PACC1: variants seen among roughly 807,000 people sequenced by gnomAD.
PACC1 encodes proton activated chloride channel 1, also known as proton-activated chloride channel.
In PACC1, 34 loss-of-function variants were observed where a neutral mutation model predicts 39.7. The ratio of observed to expected loss-of-function variants is 0.86; its 90% CI spans 0.65 to 1.14. PACC1 has a LOEUF of 1.14. Among genes scored for constraint, PACC1 ranks in the 50% most tolerant of loss-of-function variants. The probability of loss-of-function intolerance (pLI) is 0.00; values close to 1 mark genes in which losing one functional copy is unlikely to be tolerated. For missense variants in PACC1, 379 were observed against 436.4 expected (o/e 0.87, Z 1.17); for synonymous variants, 127 against 160.6 (o/e 0.79, Z 1.58).
intron 2 of PACC1, among the ~76,000 whole-genome samples, chr1:212,409,954 T>G (rs1662061482): frequency 6.6e-6 from 1 of 152,168 alleles, no homozygotes; most frequent in South Asian, 2.1e-4. Flanking sequence ...GAGCAGCGTG[T>G]ATCCGGGCGG....
At chr1:212,410,150 G>A (rs566440138) in intron 2 of PACC1, 1 of 382,174 alleles carries the variant, frequency 2.6e-6, no homozygotes, top group African/African-American at 2.0e-5. Flanking sequence ...CAGGGAAAGA[G>A]GAACAGAAGA....
At chr1:212,387,985 C>T (rs780076697) in intron 2 of PACC1, among the ~76,000 whole-genome samples, 2 of 147,160 alleles carry the variant, frequency 1.4e-5, no homozygotes, top group South Asian at 2.1e-4. Context: ...ACCCAGGAGG[C>T]GGAGGTTGCA....
At chr1:212,403,885 C>T (rs1329955958) in intron 2 of PACC1, among the ~76,000 whole-genome samples, 2 of 151,836 alleles carry the variant, frequency 1.3e-5, no homozygotes, top group African/African-American at 2.4e-5. Flanking sequence ...AAGCCATTTG[C>T]CTCTCTAGGC....
intron 2 of PACC1, among the ~76,000 whole-genome samples, chr1:212,399,907 C>T (rs1661654951): frequency 6.6e-6 from 1 of 151,822 alleles, no homozygotes; most frequent in Non-Finnish European, 1.5e-5. Context: ...TGCAATGGTG[C>T]AATCTTGGTT....
chr1:212,378,312 A>C (rs927000942), intron 5 of PACC1, among the ~76,000 whole-genome samples: 72 of 152,336 alleles, frequency 4.7e-4, no homozygotes, highest in African/African-American at 1.6e-3. Context: ...TGGGGGTGGG[A>C]TCCCGGGGAA....
chr1:212,385,903 GAC>G (rs1211100743), intron 3 of PACC1, among the ~76,000 whole-genome samples: 1 of 152,170 alleles, frequency 6.6e-6, no homozygotes, highest in Non-Finnish European at 1.5e-5. Flanking sequence ...CACCTCTACT[GAC>G]AGTAGCTGTC....
At chr1:212,405,960 T>C (rs763808302) in intron 2 of PACC1, among the ~76,000 whole-genome samples, 1 of 150,602 alleles carries the variant, frequency 6.6e-6, no homozygotes, top group South Asian at 2.1e-4. Flanking sequence ...TGGGCAACAC[T>C]GCATGACCTT....
At chr1:212,374,089 T>C (rs2102474326) in intron 7 of PACC1, among the ~76,000 whole-genome samples, 1 of 148,886 alleles carries the variant, frequency 6.7e-6, no homozygotes, top group South Asian at 2.1e-4. Context: ...CAAAGAGATA[T>C]CCGCACTCCC....
In PACC1 at chr1:212,410,509, A is replaced by G; in HGVS notation, c.49T>C (p.Leu17=). The G allele has an allele frequency of 6.2e-7, 1 of 1,614,070 alleles. No individual in the cohort carries two copies. The highest frequency in any genetic ancestry group is 8.5e-7 in the Non-Finnish European group (1 of 1,179,982). ...STSYQELSEE[L]VQVVENSELA... ...TCTGAGTTCTCAACCACCTGGACCA[A>G]CTCCTCACTCAGCTAAAGGGAGAAG... The change falls in exon 2 of 8, where the codon TTG becomes CTG. Residue 17 remains leucine (L), a synonymous_variant. Coordinates refer to ENST00000261455, the MANE Select transcript of PACC1 (RefSeq NM_018252.3).
In PACC1 at chr1:212,365,343, G is replaced by T. The variant is rs1196004170; in HGVS notation, c.925C>A (p.Leu309Ile). 3 of 1,612,168 alleles carry T rather than the reference G, an allele frequency of 1.9e-6. No homozygotes were observed. In the East Asian group the frequency reaches 6.7e-5, roughly 36 times the overall value. The stretch of plus-strand genomic sequence containing the variant: ...AATGCCAAGAAGGCGCCACAGAGAA[G>T]AGCAATTGTGTTCCAAGGATTGGCA... ...VTANPWNTIA[L>I]LCGAFLALFK... The change falls in exon 8 of 8, where the codon CTT becomes ATT. Residue 309 changes from leucine (L) to isoleucine (I), a missense_variant. By Grantham distance (5) the Leu-to-Ile change is conservative (BLOSUM62 2). Coordinates refer to ENST00000261455, the MANE Select transcript of PACC1 (RefSeq NM_018252.3).
intron 2 of PACC1, chr1:212,410,204 T>TA (rs1479673754): frequency 5.4e-6 from 3 of 551,970 alleles, no homozygotes; most frequent in Non-Finnish European, 9.8e-6. Context: ...TGACCTGACC[T>TA]CAGGAAGTGG....
Position 212,365,243 on chromosome 1 carries a change from CTTCTT to C in PACC1, c.1020_1024del (p.Arg342SerfsTer15), listed in dbSNP as rs1660190665. 3 of 1,613,796 alleles carry C rather than the reference CTTCTT, an allele frequency of 1.9e-6. No individual in the cohort carries two copies. Among genetic ancestry groups the C allele is most frequent in the African/African-American group, 1.3e-5 (1 of 74,882 alleles). ...GCTTATGTGGCTCGTTGCCTGACCT[CTTCTT>C]TTAAGGTATCTCTTTCTAATTTTGA... On this transcript the variant is annotated frameshift_variant, in exon 8 of 8. Transcript: ENST00000261455. LOFTEE classifies it high-confidence loss of function.
intron 1 of PACC1, among the ~76,000 whole-genome samples, chr1:212,411,763 C>T (rs1558185357): frequency 1.3e-5 from 2 of 152,312 alleles, no homozygotes; most frequent in Admixed American, 1.3e-4. Context: ...ATCTATTCTT[C>T]TATCTCCCTC....
chr1:212,407,328 C>T (rs1255979158), intron 2 of PACC1, among the ~76,000 whole-genome samples: 1 of 152,216 alleles, frequency 6.6e-6, no homozygotes, highest in Non-Finnish European at 1.5e-5. Flanking sequence ...AAGGCAAAGA[C>T]CAAGTTCTCT....
chr1:212,395,994 G>C (rs11119927), intron 2 of PACC1, among the ~76,000 whole-genome samples: 24,683 of 152,220 alleles, frequency 0.16, 2,758 homozygotes, highest in East Asian at 0.38. Flanking sequence ...TGGTGGGACT[G>C]TAAACTAGTT....
At chr1:212,404,515 C>G (rs1661835408) in intron 2 of PACC1, among the ~76,000 whole-genome samples, 1 of 151,922 alleles carries the variant, frequency 6.6e-6, no homozygotes, top group Non-Finnish European at 1.5e-5. Flanking sequence ...TCTCCCTCTA[C>G]TTTGCTCACC....
intron 6 of PACC1, 88 bp from the exon 7 acceptor site, chr1:212,375,388 G>T: frequency 1.1e-6 from 1 of 916,588 alleles, no homozygotes; most frequent in South Asian, 1.4e-5. Flanking sequence ...AGTAGGCAGG[G>T]GATCATAGTC....
chr1:212,400,045 C>T (rs562939726), intron 2 of PACC1, among the ~76,000 whole-genome samples: 1 of 152,018 alleles, frequency 6.6e-6, no homozygotes, highest in Non-Finnish European at 1.5e-5. Context: ...GGGCTTTCAC[C>T]ATGTTAGCCA....
chr1:212,370,262 T>C (rs537783959), intron 7 of PACC1, among the ~76,000 whole-genome samples: 89 of 152,306 alleles, frequency 5.8e-4, no homozygotes, highest in Non-Finnish European at 1.0e-3. Context: ...GTCAGGTGAT[T>C]GAGACCATCC....
Sources: gnomAD v4.1 joint callset for allele counts (sites outside exome capture counted in the v4.1 genomes callset) on GRCh38, gnomAD v4.1.1 for gene constraint, MANE v1.5 for transcripts, NCBI Gene and HGNC (gene_info 2026-07-23, HGNC 2026-07-21) for gene names.